The following MECOM variants were observed in gnomAD, a reference collection of about 807,000 sequenced individuals.
The protein encoded by MECOM is histone-lysine N-methyltransferase MECOM.
Under a neutral mutation model 116.3 loss-of-function variants are expected in MECOM, and 13 were observed. That is an observed-to-expected ratio of 0.11 (90% CI 0.07 to 0.18). The LOEUF (loss-of-function observed/expected upper bound fraction) is 0.18, where lower values mean the gene tolerates loss of function less well. MECOM is among the 10% of genes least tolerant of loss of function. The pLI is 1.00. For synonymous variants in MECOM, 528 were observed against 535.2 expected, an observed-to-expected ratio of 0.99 and a Z score of 0.19; for missense variants, 1,299 against 1,509.0, an observed-to-expected ratio of 0.86 and a Z score of 2.31.
intron 3 of MECOM, chr3:169,133,985 G>A (rs1024606792): frequency 7.8e-7 from 1 of 1,287,600 alleles, no homozygotes; most frequent in Admixed American, 2.3e-5. Context: ...TTTGAATTGT[G>A]ACATATTAGA....
At chr3:169,107,856 A>G in intron 10 of MECOM, 70 bp downstream of exon 10, 2 of 1,314,936 alleles carry the variant, frequency 1.5e-6, no homozygotes, top group Admixed American at 3.6e-5. Context: ...CTGTACAGCA[A>G]TTTAGAATGT....
intron 2 of MECOM, among the ~76,000 whole-genome samples, chr3:169,284,319 T>C (rs1256703469): frequency 6.6e-6 from 1 of 152,202 alleles, no homozygotes; most frequent in Non-Finnish European, 1.5e-5. Flanking sequence ...CTTCGTGGTC[T>C]TGGGAATCCT....
chr3:169,270,352 G>A (rs2149650702), intron 2 of MECOM, among the ~76,000 whole-genome samples: 1 of 151,884 alleles, frequency 6.6e-6, no homozygotes, highest in South Asian at 2.1e-4. Flanking sequence ...ATTGAAGTAG[G>A]AATTTAAGGT....
At chr3:169,395,072 C>A (rs1253936551) in intron 1 of MECOM, among the ~76,000 whole-genome samples, 2 of 152,082 alleles carry the variant, frequency 1.3e-5, no homozygotes, top group Non-Finnish European at 2.9e-5. Context: ...AGCAAATAAA[C>A]AACTGCAACA....
At chr3:169,573,419 T>C (rs9835299) in intron 1 of MECOM, among the ~76,000 whole-genome samples, 4,274 of 152,306 alleles carry the variant, frequency 0.028, 214 homozygotes, top group African/African-American at 0.098. Flanking sequence ...TTCATGATAT[T>C]GTAGGCTCCC....
At chr3:169,569,025 C>T (rs1341401001) in intron 1 of MECOM, among the ~76,000 whole-genome samples, 1 of 152,030 alleles carries the variant, frequency 6.6e-6, no homozygotes, top group Non-Finnish European at 1.5e-5. Flanking sequence ...CTAAATGCCC[C>T]AATTAAAAGA....
chr3:169,202,919 A>G (rs895478639), intron 2 of MECOM, among the ~76,000 whole-genome samples: 3 of 151,804 alleles, frequency 2.0e-5, no homozygotes, highest in Non-Finnish European at 2.9e-5. Context: ...TTAGGTGTAT[A>G]TTCTTGAAAT....
chr3:169,323,631 C>T (rs1721292530), intron 2 of MECOM, among the ~76,000 whole-genome samples: 1 of 152,202 alleles, frequency 6.6e-6, no homozygotes, highest in African/African-American at 2.4e-5. Context: ...TGACCACAGT[C>T]TTTCTGCCCA....
At chr3:169,360,290 T>TAAAAAA (rs1203615730) in intron 2 of MECOM, among the ~76,000 whole-genome samples, 6 of 29,462 alleles carry the variant, frequency 2.0e-4, no homozygotes, top group Non-Finnish European at 4.0e-4. Context: ...TAAAGTATAA[T>TAAAAAA]AAAAAAAAAA....
rs149407369 is a variant in MECOM, at chr3:169,168,252, T to C, written c.376-24420A>G. 5.5e-3 allele frequency among the ~76,000 whole-genome samples: 842 copies of C among 152,026 alleles called. 6 individuals are homozygous for C. The highest frequency in any genetic ancestry group is 0.011 in the Admixed American group (165 of 15,258). Reference sequence around the variant, plus strand: ...TTTTTAGAGACAGGGTCTCGCTTAGTTGCTCAGGCTGGACTCAAGTGATCC... The same window carrying C: ...TTTTTAGAGACAGGGTCTCGCTTAGCTGCTCAGGCTGGACTCAAGTGATCC... On this transcript the variant is annotated intron_variant, in intron 2 of 16. Transcript: ENST00000651503.
intron 1 of MECOM, chr3:169,477,055 T>C (rs1363521035): frequency 6.9e-6 from 1 of 144,138 alleles, no homozygotes; most frequent in Non-Finnish European, 1.5e-5. Context: ...CGACATAATA[T>C]GTGCCTAGAG....
At chr3:169,198,647 T>C (rs989806130) in intron 2 of MECOM, among the ~76,000 whole-genome samples, 6 of 151,998 alleles carry the variant, frequency 3.9e-5, no homozygotes, top group Non-Finnish European at 8.8e-5. Flanking sequence ...ATTTCTTTTT[T>C]GCTGATTCAA....
intron 1 of MECOM, among the ~76,000 whole-genome samples, chr3:169,415,523 CATAACA>C (rs1336304244): frequency 6.6e-6 from 1 of 152,128 alleles, no homozygotes; most frequent in African/African-American, 2.4e-5. Context: ...CAAATTCACA[CATAACA>C]ATATTAACCT....
intron 2 of MECOM, among the ~76,000 whole-genome samples, chr3:169,255,384 T>G (rs1477855720): frequency 1.3e-5 from 2 of 152,038 alleles, no homozygotes; most frequent in Admixed American, 1.3e-4. Flanking sequence ...TTTTTCTCTG[T>G]GCTTGTGTTA....
chr3:169,095,193 C>T lies in MECOM; in HGVS notation c.2902G>A (p.Val968Ile). ...FSISSNLQRHVRNIHNKEKPF... is the reference protein window; with the variant it reads ...FSISSNLQRHIRNIHNKEKPF... The stretch of plus-strand genomic sequence containing the variant: ...TTCTCTTTATTGTGGATGTTGCGAA[C>T]ATGCCTTTGCAAGTTAGAAGATATG... Residue 968 changes from valine (V) to isoleucine (I), a missense_variant, in exon 13 of 17, where the codon GTT (valine) becomes ATT (isoleucine). Val to Ile is a conservative substitution (Grantham distance 29). Coordinates refer to ENST00000651503, the MANE Select transcript of MECOM (RefSeq NM_004991.4). The T allele has an allele frequency of 6.2e-7, 1 of 1,613,440 alleles. No individual in the cohort carries two copies. Among genetic ancestry groups the T allele is most frequent in the East Asian group, 2.2e-5 (1 of 44,794 alleles).
At chr3:169,445,767 C>G (rs563985275) in intron 1 of MECOM, among the ~76,000 whole-genome samples, 1 of 152,208 alleles carries the variant, frequency 6.6e-6, no homozygotes, top group Non-Finnish European at 1.5e-5. Flanking sequence ...GAGAGAGGCT[C>G]TACCCTGCAA....
At chr3:169,561,303 T>C (rs971364938) in intron 1 of MECOM, among the ~76,000 whole-genome samples, 14 of 152,056 alleles carry the variant, frequency 9.2e-5, no homozygotes, top group Admixed American at 6.6e-5. Context: ...TGTGACATTA[T>C]TGATAATAGT....
chr3:169,251,818 T>C (rs1756273984), intron 2 of MECOM, among the ~76,000 whole-genome samples: 1 of 152,162 alleles, frequency 6.6e-6, no homozygotes, highest in South Asian at 2.1e-4. Context: ...ACTGTGGAAG[T>C]GTGAATGTGT....
In MECOM at chr3:169,562,139, CAAAAA is replaced by C. The variant is rs10714325; in HGVS notation, c.37+101192_37+101196del. 1.5e-3 allele frequency among the ~76,000 whole-genome samples: 37 copies of C among 25,288 alleles called. No individual in the cohort carries two copies. In the South Asian group the frequency reaches 0.022, roughly 15 times the overall value. The allele number at this position is 25,288 out of a possible 152,430, so 16.6% of individuals were successfully genotyped here. A position where few individuals can be genotyped will look rare whatever the true frequency, so the allele number is the denominator to read the frequency against. On this transcript the variant is annotated intron_variant, in intron 1 of 16. Transcript: ENST00000651503. ...CCAGCCTGGGTGACAGAGCAATACTCAAAAAAAAAAAAAAAAAAAAAAAGGAAAGA... is the reference window on the plus strand; with the variant it reads ...CCAGCCTGGGTGACAGAGCAATACTCAAAAAAAAAAAAAAAAAAGGAAAGA...
Sources: allele counts gnomAD v4.1 joint callset (sites outside exome capture counted in the v4.1 genomes callset), GRCh38; gene constraint gnomAD v4.1.1; transcripts MANE v1.5; gene names NCBI Gene and HGNC (gene_info 2026-07-23, HGNC 2026-07-21).